The following UNC5D variants were observed in gnomAD, a reference collection of about 807,000 sequenced individuals.
UNC5D encodes the protein unc-5 netrin receptor D, also known as netrin receptor UNC5D.
In UNC5D, 39 loss-of-function variants were observed where a neutral mutation model predicts 105.4. The observed-to-expected ratio is 0.37, with a 90% CI of 0.29 to 0.48. UNC5D has a LOEUF of 0.48. Ranked by LOEUF, UNC5D falls within the 20% of genes least tolerant of loss-of-function variation. UNC5D has a pLI of 0.98. For synonymous variants in UNC5D, 452 were observed against 450.4 expected, an observed-to-expected ratio of 1.00 and a Z score of -0.04; for missense variants, 991 against 1,202.4, an observed-to-expected ratio of 0.82 and a Z score of 2.60.
chr8:35,684,421 C>T (rs1289034673), intron 5 of UNC5D, among the ~76,000 whole-genome samples, 161 bp from the exon 6 acceptor site: 7 of 152,146 alleles, frequency 4.6e-5, no homozygotes, highest in Admixed American at 6.5e-5. Flanking sequence ...TGAGATGACT[C>T]CCCCACTGTT....
At chr8:35,446,420 A>G (rs1426578563) in intron 1 of UNC5D, among the ~76,000 whole-genome samples, 2 of 152,116 alleles carry the variant, frequency 1.3e-5, no homozygotes, top group East Asian at 3.9e-4. Context: ...TTTGATCTTT[A>G]TGTTTAATTC....
At chr8:35,625,929 TTGC>T (rs753362906) in intron 4 of UNC5D, among the ~76,000 whole-genome samples, 9 of 152,214 alleles carry the variant, frequency 5.9e-5, no homozygotes, top group Non-Finnish European at 1.0e-4. Flanking sequence ...GCAAACATTG[TTGC>T]TGCTGCTGCT....
At chr8:35,382,853 C>A (rs1249527827) in intron 1 of UNC5D, among the ~76,000 whole-genome samples, 2 of 152,126 alleles carry the variant, frequency 1.3e-5, no homozygotes, top group Admixed American at 6.6e-5. Context: ...ACTTTTACAT[C>A]CTTGGTCATA....
At chr8:35,271,678 TATATGTATAC>T (rs1212326337) in intron 1 of UNC5D, among the ~76,000 whole-genome samples, 1 of 38,488 alleles carries the variant, frequency 2.6e-5, no homozygotes, top group Non-Finnish European at 5.7e-5. Context: ...GGTATACATA[TATATGTATAC>T]ATGTATACAT....
intron 1 of UNC5D, among the ~76,000 whole-genome samples, chr8:35,239,173 C>T (rs1314875975): frequency 6.6e-6 from 1 of 152,020 alleles, no homozygotes; most frequent in Non-Finnish European, 1.5e-5. Context: ...TCACCCTTTG[C>T]ATACTTTTTT....
chr8:35,235,531 C>T lies in UNC5D; in HGVS notation c.-254C>T. 2.9e-6 allele frequency: 1 copy of T among 342,146 alleles called. No individual in the cohort carries two copies. The allele number at this position is 342,146 out of a possible 1,614,324, so 21.2% of individuals were successfully genotyped here. ...GCTGGGAACTGCGCGGCGGGGACTG[C>T]GGGCGACTCCGGCATCCGCGCTGGC... On this transcript the variant is annotated 5_prime_UTR_variant, in exon 1 of 17. Transcript: ENST00000404895.
At chr8:35,511,243 T>C (rs969636745) in intron 1 of UNC5D, among the ~76,000 whole-genome samples, 6 of 152,190 alleles carry the variant, frequency 3.9e-5, no homozygotes, top group African/African-American at 1.4e-4. Context: ...ACAATGAACA[T>C]GATTTCTGGC....
chr8:35,654,723 C>T (rs930275540), intron 4 of UNC5D, among the ~76,000 whole-genome samples: 2 of 152,000 alleles, frequency 1.3e-5, no homozygotes, highest in East Asian at 3.9e-4. Flanking sequence ...GTTTTCAGAA[C>T]CAAAATTGTT....
intron 3 of UNC5D, 67 bp from the exon 4 acceptor site, chr8:35,595,487 A>G (rs1041224183): frequency 2.1e-6 from 3 of 1,440,436 alleles, no homozygotes; most frequent in African/African-American, 1.4e-5. Flanking sequence ...CTTTTTTTGT[A>G]CTTGGACCAA....
chr8:35,568,062 C>T (rs762515125), intron 2 of UNC5D, 36 bp from the exon 3 acceptor site: 4 of 1,605,852 alleles, frequency 2.5e-6, no homozygotes, highest in East Asian at 4.5e-5. Flanking sequence ...ATATAACAGC[C>T]TCAGCTGATT....
intron 13 of UNC5D, among the ~76,000 whole-genome samples, chr8:35,751,960 C>T (rs1830301364): frequency 6.6e-6 from 1 of 152,106 alleles, no homozygotes; most frequent in Non-Finnish European, 1.5e-5. Context: ...GTCACAGGAA[C>T]TAAAAGAGTT....
intron 1 of UNC5D, among the ~76,000 whole-genome samples, chr8:35,448,000 T>C (rs1254651163): frequency 6.6e-6 from 1 of 152,098 alleles, no homozygotes; most frequent in African/African-American, 2.4e-5. Context: ...ATATCTCTTT[T>C]CCAGTATTCT....
intron 16 of UNC5D, among the ~76,000 whole-genome samples, chr8:35,776,984 G>A (rs1331119445): frequency 3.3e-5 from 5 of 152,110 alleles, no homozygotes; most frequent in African/African-American, 4.8e-5. Context: ...AGCCGGGTGC[G>A]GTGGCTCATG....
rs148896468 is a variant in UNC5D at position 35,657,896 on chromosome 8, A to G, written c.571-25651A>G. ...AATTATTGGACTAACCATGCACAGTATTATAACTTCCTAAGTAAGATTTAA... is the reference window on the plus strand; with the variant it reads ...AATTATTGGACTAACCATGCACAGTGTTATAACTTCCTAAGTAAGATTTAA... On this transcript the variant is annotated intron_variant, in intron 4 of 16. Coordinates refer to ENST00000404895, the MANE Select transcript of UNC5D (RefSeq NM_080872.4). 5.8e-3 allele frequency among the ~76,000 whole-genome samples: 886 copies of G among 152,340 alleles called. 4 individuals carry two copies. The highest frequency in any genetic ancestry group is 0.021 in the African/African-American group (857 of 41,584).
intron 2 of UNC5D, among the ~76,000 whole-genome samples, chr8:35,552,131 C>T (rs1392278353): frequency 4.6e-5 from 7 of 152,060 alleles, no homozygotes; most frequent in Non-Finnish European, 8.8e-5. Flanking sequence ...ACAAAAGTGC[C>T]CCTTTTAGAG....
chr8:35,731,399 C>CCAAAAAAA (rs1280974908), intron 11 of UNC5D, among the ~76,000 whole-genome samples: 6 of 30,662 alleles, frequency 2.0e-4, no homozygotes, highest in African/African-American at 3.8e-4. Context: ...ACTCTGTCTC[C>CCAAAAAAA]AAAAAAAAAA....
chr8:35,242,606 T>A (rs1802867710), intron 1 of UNC5D, among the ~76,000 whole-genome samples: 1 of 152,036 alleles, frequency 6.6e-6, no homozygotes. Context: ...GCCTCCCGAG[T>A]AGCTGGGATT....
chr8:35,699,693 A>G (rs1827043897), intron 7 of UNC5D, among the ~76,000 whole-genome samples: 1 of 152,118 alleles, frequency 6.6e-6, no homozygotes, highest in African/African-American at 2.4e-5. Flanking sequence ...GGGGTAATAG[A>G]TCTTGTGATG....
At chr8:35,360,230 C>G (rs970082418) in intron 1 of UNC5D, among the ~76,000 whole-genome samples, 1 of 152,088 alleles carries the variant, frequency 6.6e-6, no homozygotes, top group African/African-American at 2.4e-5. Flanking sequence ...CTCACCATGT[C>G]CCAACATCAG....
Sources: gnomAD v4.1 joint callset for allele counts (sites outside exome capture counted in the v4.1 genomes callset) on GRCh38, gnomAD v4.1.1 for gene constraint, MANE v1.5 for transcripts, NCBI Gene and HGNC (gene_info 2026-07-23, HGNC 2026-07-21) for gene names.